Variants in TRPC7 observed in about 807,000 individuals in gnomAD.
TRPC7 encodes transient receptor potential cation channel subfamily C member 7.
TRPC7 carries 42 observed loss-of-function variants against 90.1 expected under a neutral mutation model. The observed-to-expected ratio is 0.47, with a 90% CI of 0.36 to 0.60. The LOEUF (loss-of-function observed/expected upper bound fraction) is 0.60. Among genes scored for constraint, TRPC7 ranks in the 20% least tolerant of loss-of-function variants. The probability of loss-of-function intolerance (pLI) is 0.00; values close to 1 mark genes in which losing one functional copy is unlikely to be tolerated. For synonymous variants in TRPC7, 451 were observed against 436.3 expected (o/e 1.03, Z -0.42); for missense variants, 955 against 1,112.3 (o/e 0.86, Z 2.01).
At chr5:136,289,920 G>A (rs1317308147) in intron 3 of TRPC7, among the ~76,000 whole-genome samples, 1 of 152,172 alleles carries the variant, frequency 6.6e-6, no homozygotes, top group Non-Finnish European at 1.5e-5. Context: ...ACCTCACACG[G>A]CCAGGTACTC....
At chr5:136,258,404 A>G (rs1017862049) in intron 5 of TRPC7, among the ~76,000 whole-genome samples, 18 of 152,288 alleles carry the variant, frequency 1.2e-4, no homozygotes, top group African/African-American at 4.3e-4. Context: ...GCTGAGCCCC[A>G]TGGCCTTTTG....
intron 2 of TRPC7, among the ~76,000 whole-genome samples, chr5:136,352,184 A>G (rs1386323750): frequency 6.6e-6 from 1 of 152,210 alleles, no homozygotes; most frequent in Non-Finnish European, 1.5e-5. Context: ...AAGATGAGAA[A>G]GCAAGAGAGA....
At chr5:136,334,390 C>A (rs866787661) in intron 2 of TRPC7, among the ~76,000 whole-genome samples, 1 of 152,210 alleles carries the variant, frequency 6.6e-6, no homozygotes, top group South Asian at 2.1e-4. Flanking sequence ...TAGATCCCTG[C>A]TAACAAAAAA....
At chr5:136,263,846 G>T (rs1756940781) in intron 5 of TRPC7, among the ~76,000 whole-genome samples, 1 of 152,128 alleles carries the variant, frequency 6.6e-6, no homozygotes, top group African/African-American at 2.4e-5. Context: ...ATAATTCAAG[G>T]TTAGAGAGAA....
chr5:136,322,238 C>G (rs1023920069), intron 2 of TRPC7, among the ~76,000 whole-genome samples: 2 of 152,144 alleles, frequency 1.3e-5, no homozygotes, highest in Admixed American at 6.5e-5. Context: ...TGGTCTTGAA[C>G]TCTTGACCTC....
chr5:136,333,004 T>C (rs539235077), intron 2 of TRPC7, among the ~76,000 whole-genome samples: 54 of 152,198 alleles, frequency 3.5e-4, no homozygotes, highest in Non-Finnish European at 6.9e-4. Context: ...GGCCACTACT[T>C]ATACATCTTG....
chr5:136,357,495 G>T, intron 1 of TRPC7, 110 bp from the exon 2 acceptor site: 1 of 1,128,972 alleles, frequency 8.9e-7, no homozygotes, highest in East Asian at 2.5e-5. Flanking sequence ...AATCTTATGA[G>T]GAATTGTGCA....
intron 4 of TRPC7, among the ~76,000 whole-genome samples, chr5:136,266,929 T>C (rs1757052313): frequency 6.6e-6 from 1 of 152,240 alleles, no homozygotes; most frequent in Non-Finnish European, 1.5e-5. Context: ...TTCTCCTAAA[T>C]TTTCACTTGT....
chr5:136,243,462 C>G (rs570044311), intron 7 of TRPC7, among the ~76,000 whole-genome samples: 3 of 152,122 alleles, frequency 2.0e-5, no homozygotes, highest in Non-Finnish European at 4.4e-5. Context: ...CCTTACCCTA[C>G]AAGCTCAAAA....
At chr5:136,279,905 C>T (rs1459725630) in intron 3 of TRPC7, among the ~76,000 whole-genome samples, 2 of 152,118 alleles carry the variant, frequency 1.3e-5, no homozygotes, top group Admixed American at 1.3e-4. Context: ...ACCCAACTTC[C>T]CCTTTGGGAG....
At chr5:136,254,780 C>A (rs1224880733) in intron 5 of TRPC7, among the ~76,000 whole-genome samples, 3 of 152,110 alleles carry the variant, frequency 2.0e-5, no homozygotes, top group African/African-American at 7.2e-5. Context: ...TATGATTATT[C>A]TTCTGATGGA....
In TRPC7 at chr5:136,356,944, G is replaced by A. The variant is rs749469289; in HGVS notation, c.444C>T (p.Asp148=). The A allele has an allele frequency of 5.0e-6, 8 of 1,612,914 alleles. No homozygotes were observed. Among genetic ancestry groups the A allele is most frequent in the South Asian group, 4.4e-5 (4 of 91,044 alleles). ...TLSPLEQELR[D]DDFYAYDEDG... is the part of the protein sequence containing the mutation. ...CCTCGTCGTAGGCATAGAAGTCGTC[G>A]TCGCGCAGCTCCTGTTCCAGCGGGC... is the stretch of plus-strand genomic sequence containing the variant. Residue 148 remains aspartate, a synonymous_variant, in exon 2 of 12, where the codon GAC becomes GAT. Transcript: ENST00000513104.
intron 3 of TRPC7, among the ~76,000 whole-genome samples, chr5:136,294,289 A>T (rs377442807): frequency 6.6e-6 from 1 of 152,284 alleles, no homozygotes; most frequent in East Asian, 1.9e-4. Context: ...ACTGACAAAT[A>T]GGATCTAATT....
In TRPC7 at chr5:136,336,654, C is replaced by T. The variant is rs183251928; in HGVS notation, c.780+19954G>A. Among the ~76,000 whole-genome samples the T allele has an allele frequency of 5.2e-3, 795 of 152,148 alleles. 3 individuals carry two copies. Among genetic ancestry groups the T allele is most frequent in the Non-Finnish European group, 7.5e-3 (509 of 68,002 alleles). ...AGATATTTCTCCTAATGCTATCCCT[C>T]CCCCTTTCCCCCGATCCCAGGACAG... On this transcript the variant is annotated intron_variant, in intron 2 of 11. Transcript: ENST00000513104.
intron 7 of TRPC7, among the ~76,000 whole-genome samples, chr5:136,240,672 T>A (rs988674139): frequency 3.3e-5 from 5 of 152,052 alleles, no homozygotes; most frequent in Admixed American, 3.3e-4. Context: ...CTAGTGTGAG[T>A]GATGGAAATT....
At position 136,216,861 on chromosome 5, in the gene TRPC7, C is replaced by A. The variant is rs1463930538; in HGVS notation, c.2344-586G>T. Among the ~76,000 whole-genome samples, 3 of 152,206 alleles carry A rather than the reference C, an allele frequency of 2.0e-5. No individual in the cohort carries two copies. In the South Asian group the frequency reaches 6.2e-4, roughly 31 times the overall value. On this transcript the variant is annotated intron_variant, in intron 10 of 11. Transcript: ENST00000513104. ...ACACAGCCGGGCCTCTGGGGTTTTACAGAGATACCACTTCCCACAGGCCTG... is the reference window on the plus strand; with the variant it reads ...ACACAGCCGGGCCTCTGGGGTTTTAAAGAGATACCACTTCCCACAGGCCTG...
chr5:136,253,533 G>T (rs1049592977), intron 5 of TRPC7, among the ~76,000 whole-genome samples: 2 of 151,980 alleles, frequency 1.3e-5, no homozygotes, highest in African/African-American at 2.4e-5. Context: ...TATTCATTAT[G>T]GTTGGTCTGT....
chr5:136,309,812 T>A (rs1214258967), intron 3 of TRPC7, among the ~76,000 whole-genome samples: 1 of 152,230 alleles, frequency 6.6e-6, no homozygotes, highest in Non-Finnish European at 1.5e-5. Flanking sequence ...ACTTTAGTTT[T>A]GTTTGTTAAC....
rs139594485 is a variant in TRPC7, at chr5:136,263,740, G to A, written c.1345+2480C>T. ...CAGCGACTGTGAAGCACAGAAAGAA[G>A]AAAGACTGATAAAAGGAAAAAGACA... On this transcript the variant is annotated intron_variant, in intron 5 of 11. Coordinates refer to ENST00000513104, the MANE Select transcript of TRPC7 (RefSeq NM_020389.3). 6.2e-3 allele frequency among the ~76,000 whole-genome samples: 941 copies of A among 152,216 alleles called. 9 individuals are homozygous for A. The highest frequency in any genetic ancestry group is 0.021 in the African/African-American group (861 of 41,550).
Sources: allele counts gnomAD v4.1 joint callset (sites outside exome capture counted in the v4.1 genomes callset), GRCh38; gene constraint gnomAD v4.1.1; transcripts MANE v1.5; gene names NCBI Gene and HGNC (gene_info 2026-07-23, HGNC 2026-07-21).